The following C10orf88 variants were observed in gnomAD, a reference collection of about 807,000 sequenced individuals.
C10orf88 encodes the protein chromosome 10 open reading frame 88, also known as ATPase PAAT.
A neutral mutation model predicts 34.2 loss-of-function variants in C10orf88; 29 were observed. The ratio of observed to expected loss-of-function variants is 0.85; its 90% CI spans 0.63 to 1.16. The LOEUF (loss-of-function observed/expected upper bound fraction) is 1.16. Ranked by LOEUF, C10orf88 falls within the 50% of genes most tolerant of loss-of-function variation. The pLI, the probability that C10orf88 is intolerant of heterozygous loss-of-function variation, is 0.00. For synonymous variants in C10orf88, 194 were observed against 197.4 expected, an observed-to-expected ratio of 0.98 and a Z score of 0.15; for missense variants, 507 against 533.2, an observed-to-expected ratio of 0.95 and a Z score of 0.48.
rs540238405 is a variant in C10orf88 at position 122,941,532 on chromosome 10, G to A, written c.649-3373C>T. On this transcript the variant is annotated intron_variant, in intron 4 of 5. Transcript: ENST00000481909. ...ACATGTGTGATCACACCACTTACACGGAAGGAGTTGATTTGGTCATGAAAC... is the reference window on the plus strand; with the variant it reads ...ACATGTGTGATCACACCACTTACACAGAAGGAGTTGATTTGGTCATGAAAC... Among the ~76,000 whole-genome samples, 94 of 152,178 alleles carry A rather than the reference G, an allele frequency of 6.2e-4. 1 individual carries two copies. In the South Asian group the frequency reaches 0.019, roughly 31 times the overall value.
intron 3 of C10orf88, among the ~76,000 whole-genome samples, chr10:122,949,896 G>A (rs1335673257): frequency 6.6e-6 from 1 of 152,200 alleles, no homozygotes; most frequent in African/African-American, 2.4e-5. Flanking sequence ...AATATAGCTT[G>A]CTGGATTACA....
chr10:122,933,893 CTTT>C (rs988972112), intron 5 of C10orf88, among the ~76,000 whole-genome samples: 13 of 151,906 alleles, frequency 8.6e-5, no homozygotes, highest in Non-Finnish European at 1.5e-4. Flanking sequence ...GAAAATCTGG[CTTT>C]TTTTCATAAA....
chr10:122,953,984 T>C (rs1221954718), intron 1 of C10orf88, 31 bp downstream of exon 1: 7 of 1,492,600 alleles, frequency 4.7e-6, no homozygotes, highest in Admixed American at 2.3e-5. Context: ...TTGCCGAGCA[T>C]AGCGACCCCG....
At chr10:122,950,198 A>T (rs542340411) in intron 3 of C10orf88, among the ~76,000 whole-genome samples, 7 of 152,370 alleles carry the variant, frequency 4.6e-5, no homozygotes, top group African/African-American at 1.7e-4. Context: ...TCAGGATAAA[A>T]ATGAGAGAAG....
At chr10:122,953,369 G>T (rs1848711311) in intron 1 of C10orf88, among the ~76,000 whole-genome samples, 1 of 152,182 alleles carries the variant, frequency 6.6e-6, no homozygotes. Context: ...GAGCCACCGT[G>T]CCCGGCCGGG....
At chr10:122,941,683 C>T (rs1341687920) in intron 4 of C10orf88, among the ~76,000 whole-genome samples, 1 of 152,128 alleles carries the variant, frequency 6.6e-6, no homozygotes, top group Non-Finnish European at 1.5e-5. Context: ...GTAAGAATCA[C>T]TCCATAAATA....
chr10:122,950,442 G>C (rs1175689658), intron 3 of C10orf88, among the ~76,000 whole-genome samples: 1 of 152,118 alleles, frequency 6.6e-6, no homozygotes, highest in Non-Finnish European at 1.5e-5. Context: ...CCTTCAGAGA[G>C]ACACACAGGT....
chr10:122,947,084 G>T (rs559492426), intron 4 of C10orf88, among the ~76,000 whole-genome samples: 2 of 152,260 alleles, frequency 1.3e-5, no homozygotes, highest in South Asian at 4.2e-4. Flanking sequence ...GTCATTCTCG[G>T]TACATTGTGG....
At position 122,948,666 on chromosome 10, in the gene C10orf88, C is replaced by G. The variant is rs1353023662; in HGVS notation, c.631G>C (p.Val211Leu). 6.2e-7 allele frequency: 1 copy of G among 1,613,872 alleles called. No individual in the cohort carries two copies. The highest frequency in any genetic ancestry group is 1.7e-5 in the Admixed American group (1 of 59,980). ...SPGAQQLMDMVRCQQRNCIPI... is the reference protein window; with the variant it reads ...SPGAQQLMDMLRCQQRNCIPI... ...CTACTTACCCGCTGCTGACACCTAA[C>G]CATATCCATCAACTGCTGAGCTCCA... The change falls in exon 4 of 6, where the codon GTT becomes CTT. Residue 211 changes from valine to leucine, a missense_variant. Physicochemically the swap from Val to Leu is conservative, Grantham distance 32. Transcript: ENST00000481909.
At chr10:122,950,644 A>G (rs1848681585) in intron 3 of C10orf88, among the ~76,000 whole-genome samples, 1 of 152,126 alleles carries the variant, frequency 6.6e-6, no homozygotes, top group Non-Finnish European at 1.5e-5. Flanking sequence ...TATAGTATTT[A>G]TTTTACTCAT....
At chr10:122,941,039 C>T (rs149841523) in intron 4 of C10orf88, among the ~76,000 whole-genome samples, 2 of 151,854 alleles carry the variant, frequency 1.3e-5, no homozygotes, top group African/African-American at 4.8e-5. Flanking sequence ...ATTTCCTATA[C>T]CTTTTTGCTT....
intron 4 of C10orf88, among the ~76,000 whole-genome samples, chr10:122,943,653 G>A (rs1383985067): frequency 0.011 from 1,698 of 151,878 alleles, 31 homozygotes; most frequent in African/African-American, 0.038. Context: ...TCCAGAATCT[G>A]CAATGAACTC....
intron 3 of C10orf88, among the ~76,000 whole-genome samples, chr10:122,950,839 T>C (rs191821054): frequency 2.6e-5 from 4 of 152,352 alleles, no homozygotes; most frequent in African/African-American, 9.6e-5. Flanking sequence ...ATTTAATATA[T>C]ACTATCCAAA....
chr10:122,942,325 C>T (rs1017770023), intron 4 of C10orf88, among the ~76,000 whole-genome samples: 2 of 127,124 alleles, frequency 1.6e-5, no homozygotes, highest in Non-Finnish European at 3.6e-5. Context: ...ATTCAACAAC[C>T]CTTCATGCTA....
chr10:122,943,792 C>A (rs1426798074), intron 4 of C10orf88, among the ~76,000 whole-genome samples: 1 of 152,192 alleles, frequency 6.6e-6, no homozygotes, highest in Non-Finnish European at 1.5e-5. Flanking sequence ...CATCACTGGC[C>A]ATCAGAGAAA....
intron 4 of C10orf88, among the ~76,000 whole-genome samples, chr10:122,942,217 A>G (rs1564721366): frequency 6.6e-6 from 1 of 152,186 alleles, no homozygotes; most frequent in Non-Finnish European, 1.5e-5. Flanking sequence ...AAAATCTTCC[A>G]TTAAAAGAGT....
intron 3 of C10orf88, among the ~76,000 whole-genome samples, chr10:122,949,118 T>C (rs74159929): frequency 0.012 from 1,751 of 152,256 alleles, 30 homozygotes; most frequent in African/African-American, 0.039. Context: ...TAAATAAATG[T>C]TTACCTATTT....
At position 122,954,103 on chromosome 10, in the gene C10orf88, C is replaced by T. The variant is rs751489489; in HGVS notation, c.76G>A (p.Ala26Thr). The change falls in exon 1 of 6, where the codon GCC becomes ACC. Residue 26 changes from alanine (A) to threonine (T), a missense_variant. Physicochemically the swap from Ala to Thr is moderately conservative, Grantham distance 58. Coordinates refer to ENST00000481909, the MANE Select transcript of C10orf88 (RefSeq NM_024942.4). Reference sequence around the variant, plus strand: ...GTGAGGAGGAGGCTGTGGGTCAGGGCCCCGCCTGCAACATCCCAAGAAGAG... The same window carrying T: ...GTGAGGAGGAGGCTGTGGGTCAGGGTCCCGCCTGCAACATCCCAAGAAGAG... ...LASSWDVAGG[A>T]LTHSLLLTRA... The T allele has an allele frequency of 4.4e-6, 7 of 1,583,536 alleles. No individual in the cohort carries two copies. The highest frequency in any genetic ancestry group is 1.1e-5 in the South Asian group (1 of 87,522).
intron 3 of C10orf88, among the ~76,000 whole-genome samples, chr10:122,951,549 G>A (rs1028100281): frequency 1.3e-5 from 2 of 150,952 alleles, no homozygotes; most frequent in East Asian, 2.0e-4. Flanking sequence ...ACTGGTCACC[G>A]GGTGAAAAAT....
Sources: allele counts gnomAD v4.1 joint callset (sites outside exome capture counted in the v4.1 genomes callset), GRCh38; gene constraint gnomAD v4.1.1; transcripts MANE v1.5; gene names NCBI Gene and HGNC (gene_info 2026-07-23, HGNC 2026-07-21).